Variants in HMGN5 observed in about 807,000 individuals in gnomAD.
The protein encoded by HMGN5 is high mobility group nucleosome-binding domain-containing protein 5.
HMGN5 carries 4 observed loss-of-function variants against 9.5 expected under a neutral mutation model. The ratio of observed to expected loss-of-function variants is 0.42; its 90% CI spans 0.21 to 0.96. The LOEUF is 0.96. Ranked by LOEUF, HMGN5 falls within the 40% of genes least tolerant of loss-of-function variation. HMGN5 has a pLI of 0.30. For synonymous variants in HMGN5, 55 were observed against 57.1 expected, an observed-to-expected ratio of 0.96 and a Z score of 0.16; for missense variants, 192 against 187.5, an observed-to-expected ratio of 1.02 and a Z score of -0.14.
intron 1 of HMGN5, among the ~76,000 whole-genome samples, chrX:81,127,118 A>G (rs2075286115): frequency 8.9e-6 from 1 of 112,047 alleles, no homozygotes; most frequent in Admixed American, 9.5e-5. Context: ...TTTTGCGGCT[A>G]TTGTGGCACA....
At chrX:81,149,906 A>C (rs1269776725) in intron 1 of HMGN5, among the ~76,000 whole-genome samples, 1 of 112,049 alleles carries the variant, frequency 8.9e-6, no homozygotes, top group African/African-American at 3.2e-5. Flanking sequence ...TGGATTTATA[A>C]AGCAAATATT....
At chrX:81,171,971 T>C (rs1444631906) in intron 1 of HMGN5, among the ~76,000 whole-genome samples, 2 of 111,979 alleles carry the variant, frequency 1.8e-5, no homozygotes, top group East Asian at 5.6e-4. Context: ...ATTAATTCCA[T>C]AAAGTGTAGC....
At chrX:81,123,519 A>C (rs1315332799) in intron 1 of HMGN5, among the ~76,000 whole-genome samples, 5 of 112,212 alleles carry the variant, frequency 4.5e-5, no homozygotes, top group Non-Finnish European at 7.5e-5. Context: ...AGATAAGCAT[A>C]AAAATTGATT....
At chrX:81,185,698 T>C (rs2075475328) in intron 1 of HMGN5, among the ~76,000 whole-genome samples, 1 of 111,811 alleles carries the variant, frequency 8.9e-6, no homozygotes, top group Non-Finnish European at 1.9e-5. Flanking sequence ...CTCTTGATCT[T>C]AGAGAAATGA....
intron 1 of HMGN5, among the ~76,000 whole-genome samples, chrX:81,172,147 G>GT (rs1375258673): frequency 9.0e-6 from 1 of 110,651 alleles, no homozygotes; most frequent in Non-Finnish European, 1.9e-5. Context: ...CACTCTTTTG[G>GT]TTTTTCCCTC....
intron 1 of HMGN5, among the ~76,000 whole-genome samples, chrX:81,127,130 T>A (rs1353853538): frequency 8.9e-6 from 1 of 112,171 alleles, no homozygotes; most frequent in East Asian, 2.8e-4. Flanking sequence ...TGTGGCACAT[T>A]GAAAAAATGA....
intron 1 of HMGN5, among the ~76,000 whole-genome samples, chrX:81,192,428 G>A (rs56335056): frequency 0.019 from 2,152 of 111,392 alleles, 48 homozygotes; most frequent in African/African-American, 0.066. Context: ...AGTTTACTTT[G>A]TGGGAAGGTT....
intron 1 of HMGN5, among the ~76,000 whole-genome samples, chrX:81,145,779 T>C (rs1218039323): frequency 1.8e-5 from 2 of 110,883 alleles, no homozygotes; most frequent in African/African-American, 3.3e-5. Context: ...AAGACAAACA[T>C]AGGCTCAAAA....
chrX:81,161,100 A>T (rs1300582575), intron 1 of HMGN5, among the ~76,000 whole-genome samples: 1 of 110,626 alleles, frequency 9.0e-6, no homozygotes, highest in East Asian at 2.8e-4. Flanking sequence ...GTTACCTAGT[A>T]TGTGCGTGTT....
At chrX:81,121,278 T>C (rs1312498814) in intron 2 of HMGN5, among the ~76,000 whole-genome samples, 3 of 110,068 alleles carry the variant, frequency 2.7e-5, no homozygotes, top group Non-Finnish European at 1.9e-5. Flanking sequence ...CTGTTTGTAA[T>C]TCAGCATGGA....
rs758098964 is a variant in HMGN5 at position 81,136,557 on chromosome X, C to A, written c.-123-14885G>T. On this transcript the variant is annotated intron_variant, in intron 1 of 6. Transcript: ENST00000358130. ...ACTATACAAAATATGCACTCAAAAA[C>A]AAAAACACTATAAATGACTCAAGAT... 9.0e-5 allele frequency among the ~76,000 whole-genome samples: 10 copies of A among 110,993 alleles called. No homozygotes were observed. In the South Asian group the frequency reaches 1.5e-3, roughly 17 times the overall value.
intron 1 of HMGN5, among the ~76,000 whole-genome samples, chrX:81,123,125 C>T (rs1396419219): frequency 9.0e-6 from 1 of 111,184 alleles, no homozygotes; most frequent in African/African-American, 3.3e-5. Context: ...GAGTGCCAAA[C>T]CATCCCTTCA....
At chrX:81,151,389 C>G (rs1360141212) in intron 1 of HMGN5, among the ~76,000 whole-genome samples, 1 of 111,387 alleles carries the variant, frequency 9.0e-6, no homozygotes, top group Non-Finnish European at 1.9e-5. Flanking sequence ...CATGATGCCT[C>G]CAGCTTTGTT....
At chrX:81,151,158 AAAAAG>A (rs1602567985) in intron 1 of HMGN5, among the ~76,000 whole-genome samples, 1 of 112,102 alleles carries the variant, frequency 8.9e-6, no homozygotes, top group South Asian at 3.7e-4. Flanking sequence ...TCACATCAAA[AAAAAG>A]AAAAGTAGCC....
intron 1 of HMGN5, among the ~76,000 whole-genome samples, chrX:81,149,520 A>G (rs1251417639): frequency 8.9e-6 from 1 of 111,775 alleles, no homozygotes; most frequent in Non-Finnish European, 1.9e-5. Flanking sequence ...TATCTAATGT[A>G]GATGATGGTT....
chrX:81,154,998 A>G (rs2147566571), intron 1 of HMGN5, among the ~76,000 whole-genome samples: 1 of 104,982 alleles, frequency 9.5e-6, no homozygotes, highest in South Asian at 4.2e-4. Context: ...GCTACCAAAA[A>G]TAGAGCTACT....
intron 1 of HMGN5, among the ~76,000 whole-genome samples, chrX:81,174,074 A>G (rs2075434510): frequency 9.0e-6 from 1 of 111,342 alleles, no homozygotes; most frequent in African/African-American, 3.2e-5. Context: ...TATCATATGT[A>G]AGATGATCAC....
chrX:81,188,025 C>A (rs762006970), intron 1 of HMGN5, among the ~76,000 whole-genome samples: 1 of 110,441 alleles, frequency 9.1e-6, no homozygotes, highest in East Asian at 2.8e-4. Flanking sequence ...TAACTTCATT[C>A]CTTTTTTTTA....
rs141964043 is a variant in HMGN5 at position 81,177,477 on chromosome X, A to C, written c.-124+24260T>G. The stretch of plus-strand genomic sequence containing the variant: ...CAAAAGAGATAAAGAAGGCCATTAC[A>C]TGATGGTGAAGGGATTAATTCAACA... On this transcript the variant is annotated intron_variant, in intron 1 of 6. Coordinates refer to ENST00000358130, the MANE Select transcript of HMGN5 (RefSeq NM_030763.3). 4.9e-3 allele frequency among the ~76,000 whole-genome samples: 532 copies of C among 108,364 alleles called. 6 individuals carry two copies. The highest frequency in any genetic ancestry group is 0.017 in the African/African-American group (498 of 29,827). The allele number at this position is 108,364 out of a possible 115,157, so 94.1% of individuals were successfully genotyped here. A position where few individuals can be genotyped will look rare whatever the true frequency, so the allele number is the denominator to read the frequency against.
Sources: gnomAD v4.1 joint callset for allele counts (sites outside exome capture counted in the v4.1 genomes callset) on GRCh38, gnomAD v4.1.1 for gene constraint, MANE v1.5 for transcripts, NCBI Gene and HGNC (gene_info 2026-07-23, HGNC 2026-07-21) for gene names.